Variants in SMOC2 observed in about 807,000 individuals in gnomAD.
The protein encoded by SMOC2 is SPARC related modular calcium binding 2.
In SMOC2, 39 loss-of-function variants were observed where a neutral mutation model predicts 61.4. The ratio of observed to expected loss-of-function variants is 0.64; its 90% CI spans 0.49 to 0.83. The LOEUF (loss-of-function observed/expected upper bound fraction) is 0.83, where lower values mean the gene tolerates loss of function less well. Among genes scored for constraint, SMOC2 ranks in the 40% least tolerant of loss-of-function variants. The pLI is 0.00. For missense variants in SMOC2, 556 were observed against 592.9 expected, an observed-to-expected ratio of 0.94 and a Z score of 0.65; for synonymous variants, 247 against 239.9, an observed-to-expected ratio of 1.03 and a Z score of -0.27.
intron 9 of SMOC2, among the ~76,000 whole-genome samples, chr6:168,618,106 G>C (rs1421607486): frequency 1.3e-5 from 2 of 152,262 alleles, no homozygotes; most frequent in Non-Finnish European, 2.9e-5. Context: ...GCATGGGAGT[G>C]GCCTGGACCA....
At chr6:168,505,349 G>C (rs1782847902) in intron 1 of SMOC2, among the ~76,000 whole-genome samples, 1 of 152,122 alleles carries the variant, frequency 6.6e-6, no homozygotes, top group Non-Finnish European at 1.5e-5. Context: ...CCATCTCTCA[G>C]ATGCCAGATG....
chr6:168,497,639 C>T (rs1489721826), intron 1 of SMOC2, among the ~76,000 whole-genome samples: 1 of 152,172 alleles, frequency 6.6e-6, no homozygotes, highest in African/African-American at 2.4e-5. Flanking sequence ...TCTGGACATT[C>T]ATGGGACCAA....
intron 11 of SMOC2, among the ~76,000 whole-genome samples, chr6:168,663,101 T>C (rs1787563647): frequency 8.3e-6 from 1 of 120,488 alleles, no homozygotes; most frequent in South Asian, 3.2e-4. Flanking sequence ...TGTCAGGAAA[T>C]AGAGAGTATT....
chr6:168,595,164 G>T (rs4708752), intron 7 of SMOC2, among the ~76,000 whole-genome samples: 18,973 of 55,234 alleles, frequency 0.34, 2,945 homozygotes, highest in Admixed American at 0.45. Context: ...CTAGAGGATC[G>T]CCGAGCTCCT....
At chr6:168,650,623 A>G in intron 9 of SMOC2, 58 bp from the exon 10 acceptor site, 1 of 1,507,712 alleles carries the variant, frequency 6.6e-7, no homozygotes. Context: ...CCTGTATTTT[A>G]GAGGAAAATC....
At chr6:168,592,237 C>G (rs569452122) in intron 7 of SMOC2, among the ~76,000 whole-genome samples, 2 of 152,356 alleles carry the variant, frequency 1.3e-5, no homozygotes, top group East Asian at 3.9e-4. Context: ...TCTCTTTTTC[C>G]TGCGCCCTTC....
chr6:168,466,200 CTGAA>C (rs1465875754), intron 1 of SMOC2, among the ~76,000 whole-genome samples: 1 of 149,210 alleles, frequency 6.7e-6, no homozygotes. Flanking sequence ...ATTGGGGGCT[CTGAA>C]TGAGTTGAAG....
At chr6:168,628,240 C>T (rs749112590) in intron 9 of SMOC2, among the ~76,000 whole-genome samples, 2 of 152,166 alleles carry the variant, frequency 1.3e-5, no homozygotes, top group Non-Finnish European at 2.9e-5. Context: ...CAAAGGGCCT[C>T]GTCGAGACAT....
chr6:168,636,677 A>G (rs1786730240), intron 9 of SMOC2, among the ~76,000 whole-genome samples: 1 of 152,192 alleles, frequency 6.6e-6, no homozygotes, highest in African/African-American at 2.4e-5. Context: ...AGACAAAGGT[A>G]TCTCTCTGTC....
chr6:168,632,492 A>T (rs1786595643), intron 9 of SMOC2, among the ~76,000 whole-genome samples: 1 of 152,264 alleles, frequency 6.6e-6, no homozygotes, highest in Non-Finnish European at 1.5e-5. Flanking sequence ...TTTTTTACTG[A>T]ATAGTTTCAA....
rs951562153 is a variant in SMOC2 at position 168,544,251 on chromosome 6, G to A, written c.511+579G>A. Reference sequence around the variant, plus strand: ...CCATCCTCTTCTCTGCCCTTGCCTCGGCCAACACCCTTCAGTACCAGGACA... The same window carrying A: ...CCATCCTCTTCTCTGCCCTTGCCTCAGCCAACACCCTTCAGTACCAGGACA... On this transcript the variant is annotated intron_variant, in intron 5 of 12. Transcript: ENST00000356284. The surrounding 1 kb of genome is among the most constrained non-coding windows in gnomAD (Gnocchi z 4.1). Among the ~76,000 whole-genome samples the A allele has an allele frequency of 4.6e-5, 7 of 151,918 alleles. No homozygotes were observed. The highest frequency in any genetic ancestry group is 1.9e-4 in the East Asian group (1 of 5,196).
intron 1 of SMOC2, among the ~76,000 whole-genome samples, chr6:168,509,647 T>G (rs1187961452): frequency 1.3e-5 from 2 of 152,204 alleles, no homozygotes; most frequent in African/African-American, 4.8e-5. Flanking sequence ...GTGCACCCCC[T>G]TCAAAGATCA....
rs374599222 is a variant in SMOC2 at position 168,568,228 on chromosome 6, G to A, written c.637+19025G>A. On this transcript the variant is annotated intron_variant, in intron 7 of 12. Transcript: ENST00000356284. ...CGAAGACCGGATGGTGTGAGTCGGT[G>A]TCTCATATTAGCATTTAGCGCGTCT... Among the ~76,000 whole-genome samples, 6 of 152,208 alleles carry A rather than the reference G, an allele frequency of 3.9e-5. No homozygotes were observed. In the South Asian group the frequency reaches 1.0e-3, roughly 26 times the overall value.
At chr6:168,508,854 GTTTC>G (rs943642928) in intron 1 of SMOC2, among the ~76,000 whole-genome samples, 27 of 152,316 alleles carry the variant, frequency 1.8e-4, no homozygotes, top group Admixed American at 1.6e-3. Context: ...AGCTCTGCGC[GTTTC>G]TTTCTTTCTT....
intron 4 of SMOC2, among the ~76,000 whole-genome samples, chr6:168,533,828 AAGG>A (rs1387035789): frequency 1.3e-5 from 2 of 152,248 alleles, no homozygotes; most frequent in Non-Finnish European, 2.9e-5. Flanking sequence ...AAACAACCTT[AAGG>A]AGAAGTAGGA....
intron 7 of SMOC2, among the ~76,000 whole-genome samples, chr6:168,570,284 C>T (rs6455532): frequency 0.53 from 80,628 of 151,926 alleles, 23,669 homozygotes; most frequent in African/African-American, 0.8. Flanking sequence ...AGGTGCAATG[C>T]ACAGAAGACA....
intron 4 of SMOC2, among the ~76,000 whole-genome samples, chr6:168,537,869 AG>A (rs201385025): frequency 0.011 from 1,619 of 152,270 alleles, 35 homozygotes; most frequent in African/African-American, 0.037. Flanking sequence ...CTGCCCTCGG[AG>A]GGGCACCTGG....
chr6:168,515,146 TGAA>T (rs1166093858), intron 2 of SMOC2, among the ~76,000 whole-genome samples: 2 of 152,256 alleles, frequency 1.3e-5, no homozygotes. Flanking sequence ...TTTATGTTAC[TGAA>T]GAAGTTTTAT....
At chr6:168,591,578 G>A (rs903563524) in intron 7 of SMOC2, among the ~76,000 whole-genome samples, 3 of 150,890 alleles carry the variant, frequency 2.0e-5, no homozygotes, top group African/African-American at 4.9e-5. Flanking sequence ...ATGTTGTAAT[G>A]TGGGAGAATA....
Sources: allele counts gnomAD v4.1 joint callset (sites outside exome capture counted in the v4.1 genomes callset), GRCh38; gene constraint gnomAD v4.1.1; non-coding constraint Gnocchi (gnomAD v3.1); transcripts MANE v1.5; gene names NCBI Gene and HGNC (gene_info 2026-07-23, HGNC 2026-07-21).